Variants in KIAA1217 observed in about 807,000 individuals in gnomAD.
KIAA1217 encodes sickle tail protein homolog.
KIAA1217 carries 88 observed loss-of-function variants against 163.9 expected under a neutral mutation model. The observed-to-expected ratio is 0.54, with a 90% CI of 0.45 to 0.64. The LOEUF (loss-of-function observed/expected upper bound fraction) is 0.64, where lower values mean the gene tolerates loss of function less well. Ranked by LOEUF, KIAA1217 falls within the 30% of genes least tolerant of loss-of-function variation. The pLI, the probability that KIAA1217 is intolerant of heterozygous loss-of-function variation, is 0.00. For missense variants in KIAA1217, 2,372 were observed against 2,475.0 expected (o/e 0.96, Z 0.88); for synonymous variants, 903 against 923.1 (o/e 0.98, Z 0.39).
chr10:24,324,728 G>C (rs779668678), intron 2 of KIAA1217, among the ~76,000 whole-genome samples: 1 of 152,068 alleles, frequency 6.6e-6, no homozygotes, highest in African/African-American at 2.4e-5. Flanking sequence ...AGGGATCTTT[G>C]TATTATATCT....
At chr10:23,779,089 G>A (rs1226372320) in intron 1 of KIAA1217, among the ~76,000 whole-genome samples, 1 of 152,004 alleles carries the variant, frequency 6.6e-6, no homozygotes, top group East Asian at 1.9e-4. Flanking sequence ...TAACTTTCCT[G>A]CTATGTGGCT....
At chr10:24,408,142 C>G (rs946086975) in intron 3 of KIAA1217, among the ~76,000 whole-genome samples, 1 of 152,130 alleles carries the variant, frequency 6.6e-6, no homozygotes, top group Non-Finnish European at 1.5e-5. Context: ...CTCCAGTTTC[C>G]TCATCAGTAA....
intron 1 of KIAA1217, among the ~76,000 whole-genome samples, chr10:23,871,002 T>G (rs1458279545): frequency 6.6e-6 from 1 of 151,836 alleles, no homozygotes; most frequent in African/African-American, 2.4e-5. Flanking sequence ...GGTTTGTTTT[T>G]TTTTCTTTTT....
chr10:23,790,377 GT>G (rs1835782787), intron 1 of KIAA1217, among the ~76,000 whole-genome samples: 1 of 67,632 alleles, frequency 1.5e-5, no homozygotes, highest in Non-Finnish European at 2.7e-5. Flanking sequence ...ATATACATAT[GT>G]ATATATACAT....
At chr10:24,296,503 A>C (rs1255565340) in intron 2 of KIAA1217, among the ~76,000 whole-genome samples, 2 of 152,188 alleles carry the variant, frequency 1.3e-5, no homozygotes, top group African/African-American at 4.8e-5. Flanking sequence ...TGTATAAAGC[A>C]GAGACTCCCT....
chr10:24,068,013 G>T (rs1392066003), intron 2 of KIAA1217, among the ~76,000 whole-genome samples: 1 of 152,216 alleles, frequency 6.6e-6, no homozygotes, highest in Non-Finnish European at 1.5e-5. Flanking sequence ...TAGGGTGGGA[G>T]TAACCCAATT....
chr10:24,036,102 C>A (rs929522109), intron 2 of KIAA1217, among the ~76,000 whole-genome samples: 2 of 152,214 alleles, frequency 1.3e-5, no homozygotes, highest in Admixed American at 1.3e-4. Context: ...AGGAGATCCC[C>A]AACAGCTGCC....
rs373325391 is a variant in KIAA1217 at position 24,280,537 on chromosome 10, C to T, written c.354+60628C>T. 7.9e-5 allele frequency among the ~76,000 whole-genome samples: 12 copies of T among 152,214 alleles called. No individual in the cohort carries two copies. The East Asian group carries it at 9.7e-4, about 12-fold the overall frequency. ...CCATAAAGGAATAAACCTGGCCGGG[C>T]GTGGTGACTCATGCCTGTAATCCCA... On this transcript the variant is annotated intron_variant, in intron 2 of 20. Transcript: ENST00000376454.
intron 1 of KIAA1217, among the ~76,000 whole-genome samples, chr10:23,712,595 C>A (rs759516720): frequency 1.3e-5 from 2 of 151,728 alleles, no homozygotes; most frequent in African/African-American, 2.4e-5. Context: ...TTCAAGGGCA[C>A]TTTTTTTTAA....
chr10:24,420,296 A>G (rs573608007), intron 3 of KIAA1217, among the ~76,000 whole-genome samples: 1 of 152,310 alleles, frequency 6.6e-6, no homozygotes, highest in East Asian at 1.9e-4. Flanking sequence ...ATAATTACTA[A>G]TTTATTGGCC....
At chr10:23,993,553 CTTTTT>C (rs200437343) in intron 1 of KIAA1217, among the ~76,000 whole-genome samples, 1 of 68,956 alleles carries the variant, frequency 1.5e-5, no homozygotes, top group African/African-American at 8.4e-5. Flanking sequence ...CATAGCCCAG[CTTTTT>C]TTTTTTTTTT....
At chr10:24,411,995 G>A (rs930817987) in intron 3 of KIAA1217, among the ~76,000 whole-genome samples, 2 of 152,022 alleles carry the variant, frequency 1.3e-5, no homozygotes, top group Admixed American at 1.3e-4. Flanking sequence ...TATAAAACTA[G>A]AGCATCGCCG....
At chr10:24,062,534 A>C (rs1255592883) in intron 2 of KIAA1217, among the ~76,000 whole-genome samples, 3 of 150,926 alleles carry the variant, frequency 2.0e-5, no homozygotes, top group African/African-American at 7.4e-5. Flanking sequence ...AATCCAGTCT[A>C]TCATTGTTGG....
intron 2 of KIAA1217, among the ~76,000 whole-genome samples, chr10:24,310,538 A>G (rs746174031): frequency 6.6e-6 from 1 of 152,194 alleles, no homozygotes; most frequent in Non-Finnish European, 1.5e-5. Context: ...AACAAAAGTT[A>G]TATATTTTAG....
intron 2 of KIAA1217, among the ~76,000 whole-genome samples, chr10:24,153,553 G>A (rs145076067): frequency 5.3e-5 from 8 of 152,274 alleles, no homozygotes; most frequent in African/African-American, 1.2e-4. Context: ...GCCGGAGACC[G>A]AGCTACTAAG....
intron 1 of KIAA1217, among the ~76,000 whole-genome samples, chr10:23,917,321 A>G (rs1411667848): frequency 6.6e-6 from 1 of 152,154 alleles, no homozygotes; most frequent in Non-Finnish European, 1.5e-5. Flanking sequence ...AACCACTCTC[A>G]TTTCAGTCCA....
At chr10:24,251,400 C>CAAAAAAAAAAAAAAAAAAAAAA (rs55668887) in intron 2 of KIAA1217, among the ~76,000 whole-genome samples, 1 of 90,534 alleles carries the variant, frequency 1.1e-5, no homozygotes, top group Non-Finnish European at 2.2e-5. Flanking sequence ...GACACTGTCT[C>CAAAAAAAAAAAAAAAAAAAAAA]AAAAAAAAAA....
intron 2 of KIAA1217, among the ~76,000 whole-genome samples, chr10:24,327,711 C>G (rs2045110170): frequency 6.6e-6 from 1 of 152,136 alleles, no homozygotes; most frequent in Non-Finnish European, 1.5e-5. Flanking sequence ...CTTCTGGACT[C>G]AAGGGATCCT....
intron 2 of KIAA1217, among the ~76,000 whole-genome samples, chr10:24,097,824 C>T (rs1355195480): frequency 1.3e-5 from 2 of 152,174 alleles, no homozygotes; most frequent in Non-Finnish European, 2.9e-5. Context: ...AGATAATTTT[C>T]TCGGCAGGTG....
Sources: gnomAD v4.1 joint callset for allele counts (sites outside exome capture counted in the v4.1 genomes callset) on GRCh38, gnomAD v4.1.1 for gene constraint, MANE v1.5 for transcripts, NCBI Gene and HGNC (gene_info 2026-07-23, HGNC 2026-07-21) for gene names.